ARID1A: variants seen among roughly 807,000 people sequenced by gnomAD.
ARID1A encodes AT-rich interaction domain 1A.
A neutral mutation model predicts 212.6 loss-of-function variants in ARID1A; 20 were observed. The observed-to-expected ratio is 0.09, with a 90% CI of 0.07 to 0.14. ARID1A has a LOEUF of 0.14. Among genes scored for constraint, ARID1A ranks in the 10% least tolerant of loss-of-function variants. The probability of loss-of-function intolerance (pLI) is 1.00; values close to 1 mark genes in which losing one functional copy is unlikely to be tolerated. For synonymous variants in ARID1A, 1,376 were observed against 1,222.1 expected, an observed-to-expected ratio of 1.13 and a Z score of -2.63; for missense variants, 2,587 against 3,059.0, an observed-to-expected ratio of 0.85 and a Z score of 3.64.
intron 1 of ARID1A, among the ~76,000 whole-genome samples, chr1:26,704,520 C>G (rs2080368751): frequency 6.6e-6 from 1 of 152,158 alleles, no homozygotes. Context: ...TTAGGTAAGC[C>G]TGCACATATG....
intron 1 of ARID1A, among the ~76,000 whole-genome samples, chr1:26,709,444 G>A (rs1337602255): frequency 6.6e-6 from 1 of 152,090 alleles, no homozygotes; most frequent in African/African-American, 2.4e-5. Context: ...GAAGGGTGAT[G>A]TAGGAAGATT....
intron 5 of ARID1A, 122 bp downstream of exon 5, chr1:26,761,218 T>A: frequency 5.4e-6 from 8 of 1,488,142 alleles, no homozygotes; most frequent in Non-Finnish European, 7.3e-6. Flanking sequence ...AGTTTCCCCT[T>A]AGCATTTGGA....
chr1:26,762,240 G>A lies in ARID1A; in HGVS notation c.2340G>A (p.Gln780=), dbSNP rs2124063823. The change falls in exon 7 of 20, where the codon CAG becomes CAA. Residue 780 remains glutamine (Q), a synonymous_variant. Coordinates refer to ENST00000324856, the MANE Select transcript of ARID1A (RefSeq NM_006015.6). ...CTCCGCGTCAGCCTTCCGGAGGACAGATACACACAGGCATGGGCTCCTACC... is the reference window on the plus strand; with the variant it reads ...CTCCGCGTCAGCCTTCCGGAGGACAAATACACACAGGCATGGGCTCCTACC... ...ALSPRQPSGG[Q]IHTGMGSYQQ... The A allele has an allele frequency of 6.2e-7, 1 of 1,614,208 alleles. No individual in the cohort carries two copies. Among genetic ancestry groups the A allele is most frequent in the Non-Finnish European group, 8.5e-7 (1 of 1,180,034 alleles).
At chr1:26,722,663 G>A (rs2080576662) in intron 1 of ARID1A, among the ~76,000 whole-genome samples, 1 of 152,230 alleles carries the variant, frequency 6.6e-6, no homozygotes, top group East Asian at 1.9e-4. Context: ...AAGGCAGATG[G>A]TCAGTTTGTT....
At chr1:26,751,219 C>T (rs1340977016) in intron 4 of ARID1A, among the ~76,000 whole-genome samples, 1 of 151,784 alleles carries the variant, frequency 6.6e-6, no homozygotes, top group East Asian at 1.9e-4. Flanking sequence ...TGCACCACTG[C>T]ACTCCAGCCT....
chr1:26,755,376 G>T (rs1300391123), intron 4 of ARID1A, among the ~76,000 whole-genome samples: 1 of 152,202 alleles, frequency 6.6e-6, no homozygotes, highest in Admixed American at 6.5e-5. Flanking sequence ...AGAGAGATAA[G>T]AAGATTAATG....
At position 26,780,349 on chromosome 1, in the gene ARID1A, A is replaced by G. The variant is rs751138052; in HGVS notation, c.6451A>G (p.Met2151Val). Residue 2151 changes from methionine (M) to valine (V), a missense_variant, in exon 20 of 20, where the codon ATG becomes GTG. Transcript: ENST00000324856. This position sits in a 1 kb window ranked among gnomAD's most constrained non-coding sequence, Gnocchi z 7.2. ...CCGCCTGGAGAAGTTGTATAGCACT[A>G]TGGTGCGCTTCCTCAGTGACCGAAA... ...FSRLEKLYST[M>V]VRFLSDRKNP... The G allele has an allele frequency of 2.5e-6, 4 of 1,614,226 alleles. No homozygotes were observed. Among genetic ancestry groups the G allele is most frequent in the Non-Finnish European group, 8.5e-7 (1 of 1,180,028 alleles).
rs749155343 is a variant in ARID1A at position 26,779,418 on chromosome 1, C to T, written c.5520C>T (p.Gly1840=). The change falls in exon 20 of 20, where the codon GGC becomes GGT. Residue 1840 remains glycine, a synonymous_variant. Coordinates refer to ENST00000324856, the MANE Select transcript of ARID1A (RefSeq NM_006015.6). ...GGCGTGTGCAGGAGTTTGACAGTGG[C>T]CTGCTGCACTGGCGGATTGGTGGGG... is the stretch of plus-strand genomic sequence containing the variant. ...KLGRVQEFDS[G]LLHWRIGGGD... is the part of the protein sequence containing the mutation. The T allele has an allele frequency of 1.9e-6, 3 of 1,614,066 alleles. No individual in the cohort carries two copies. Among genetic ancestry groups the T allele is most frequent in the Admixed American group, 1.7e-5 (1 of 59,996 alleles).
intron 10 of ARID1A, 121 bp from the exon 11 acceptor site, chr1:26,767,669 G>A (rs2081051121): frequency 9.8e-7 from 1 of 1,020,198 alleles, no homozygotes; most frequent in Non-Finnish European, 1.4e-6. Context: ...GGTAGGACAG[G>A]TGTTAGTAAC....
rs2124057144 is a variant in ARID1A, at chr1:26,761,091, T to G, written c.2156T>G (p.Val719Gly). 1 of 1,614,052 alleles carries G rather than the reference T, an allele frequency of 6.2e-7. No individual in the cohort carries two copies. The highest frequency in any genetic ancestry group is 1.1e-5 in the South Asian group (1 of 91,080). The stretch of plus-strand genomic sequence containing the variant: ...TCAGGACCACTCTCGCCTGCTGCAG[T>G]GCCAGGTACCCTCAAGTGCTGGGCT... ...SRSGPLSPAA[V>G]PGNQMPPRPP... The change falls in exon 5 of 20, where the codon GTG (valine) becomes GGG (glycine). Residue 719 changes from valine (V) to glycine (G), a missense_variant. Transcript: ENST00000324856.
chr1:26,731,000 G>A, intron 2 of ARID1A, 152 bp from the exon 3 acceptor site: 1 of 857,684 alleles, frequency 1.2e-6, no homozygotes, highest in Non-Finnish European at 1.8e-6. Flanking sequence ...CTCAGTTTAG[G>A]CAGGGTGAGA....
At chr1:26,750,818 C>T (rs1298174795) in intron 4 of ARID1A, among the ~76,000 whole-genome samples, 3 of 152,014 alleles carry the variant, frequency 2.0e-5, no homozygotes, top group Non-Finnish European at 2.9e-5. Flanking sequence ...TCCTCTTACA[C>T]ATTAAGTACC....
At chr1:26,763,964 A>T (rs2081016513) in intron 8 of ARID1A, among the ~76,000 whole-genome samples, 1 of 151,530 alleles carries the variant, frequency 6.6e-6, no homozygotes, top group Non-Finnish European at 1.5e-5. Context: ...AATTTTTTTT[A>T]TTTTTTATAT....
intron 1 of ARID1A, 106 bp downstream of exon 1, chr1:26,697,646 C>T (rs1056707609): frequency 2.7e-6 from 3 of 1,114,852 alleles, no homozygotes; most frequent in Admixed American, 8.6e-5. Flanking sequence ...TCCCGGGCCC[C>T]CACTGCTGGG....
intron 1 of ARID1A, 60 bp from the exon 2 acceptor site, chr1:26,729,591 T>C (rs2124784522): frequency 6.3e-7 from 1 of 1,580,902 alleles, no homozygotes; most frequent in Non-Finnish European, 8.7e-7. Flanking sequence ...ACTTGGGTTA[T>C]ATATTCAGTG....
intron 19 of ARID1A, among the ~76,000 whole-genome samples, chr1:26,777,805 C>T (rs1557618621): frequency 1.3e-5 from 2 of 152,132 alleles, no homozygotes; most frequent in Non-Finnish European, 1.5e-5. Flanking sequence ...CAGTGGCTCA[C>T]GCCAGTAATC....
In ARID1A at chr1:26,781,333, ATGTAC is replaced by A. The variant is rs943331229; in HGVS notation, c.*588_*592del. 4.3e-6 allele frequency: 1 copy of A among 233,856 alleles called. No homozygotes were observed. The highest frequency in any genetic ancestry group is 6.0e-5 in the East Asian group (1 of 16,584). The allele number at this position is 233,856 out of a possible 1,614,324, so 14.5% of individuals were successfully genotyped here. On this transcript the variant is annotated 3_prime_UTR_variant, in exon 20 of 20. Coordinates refer to ENST00000324856, the MANE Select transcript of ARID1A (RefSeq NM_006015.6). ...TGTGCAGTAGAGTGTAGACCCTTTC[ATGTAC>A]TGTACTGTACACCTGATACTGTAAA...
chr1:26,697,881 G>A (rs968966121), intron 1 of ARID1A, among the ~76,000 whole-genome samples: 7 of 151,966 alleles, frequency 4.6e-5, no homozygotes, highest in African/African-American at 7.3e-5. Flanking sequence ...GGGGGCTCAG[G>A]TTAGGAGTGT....
In ARID1A at chr1:26,781,168, A is replaced by AT. The variant is rs1429436211; in HGVS notation, c.*412_*413insT. 1 of 241,528 alleles carries AT rather than the reference A, an allele frequency of 4.1e-6. No homozygotes were observed. Among genetic ancestry groups the AT allele is most frequent in the African/African-American group, 2.2e-5 (1 of 45,530 alleles). 15.0% of individuals were successfully genotyped at this position (241,528 alleles called of 1,614,324 possible). On this transcript the variant is annotated 3_prime_UTR_variant, in exon 20 of 20. Transcript: ENST00000324856. ...TAACTGTTTTTAATGGTAAAAAAAA[A>AT]AAAAAAAAATACAAAAAAAAATTCT...
Sources: gnomAD v4.1 joint callset for allele counts (sites outside exome capture counted in the v4.1 genomes callset) on GRCh38, gnomAD v4.1.1 for gene constraint, Gnocchi (gnomAD v3.1) non-coding constraint, MANE v1.5 for transcripts, NCBI Gene and HGNC (gene_info 2026-07-23, HGNC 2026-07-21) for gene names.